Variants in MAP3K5 observed in about 807,000 individuals in gnomAD.
MAP3K5 encodes mitogen-activated protein kinase kinase kinase 5, also known as ASK-1.
MAP3K5 carries 56 observed loss-of-function variants against 158.7 expected under a neutral mutation model. The ratio of observed to expected loss-of-function variants is 0.35; its 90% CI spans 0.28 to 0.44. MAP3K5 has a LOEUF of 0.44. Among genes scored for constraint, MAP3K5 ranks in the 20% least tolerant of loss-of-function variants. The pLI is 1.00. For missense variants in MAP3K5, 1,294 were observed against 1,674.8 expected, an observed-to-expected ratio of 0.77 and a Z score of 3.97; for synonymous variants, 579 against 601.7, an observed-to-expected ratio of 0.96 and a Z score of 0.55.
intron 1 of MAP3K5, among the ~76,000 whole-genome samples, chr6:136,725,362 G>A (rs745690998): frequency 1.3e-5 from 2 of 152,124 alleles, no homozygotes; most frequent in African/African-American, 2.4e-5. Flanking sequence ...CTTTGTCAGC[G>A]CTTGGTATTG....
intron 1 of MAP3K5, among the ~76,000 whole-genome samples, chr6:136,752,610 C>T (rs142228203): frequency 0.031 from 4,765 of 152,238 alleles, 57 homozygotes; most frequent in Middle Eastern, 0.054. Flanking sequence ...TGGGGTTTCG[C>T]CATTTTGGCC....
chr6:136,622,621 A>G (rs111735524), intron 15 of MAP3K5, among the ~76,000 whole-genome samples: 1,840 of 152,258 alleles, frequency 0.012, 37 homozygotes, highest in African/African-American at 0.043. Context: ...CCTGAGCCTA[A>G]CACACACAGG....
chr6:136,759,048 C>T (rs1250894149), intron 1 of MAP3K5, among the ~76,000 whole-genome samples: 1 of 152,066 alleles, frequency 6.6e-6, no homozygotes, highest in Non-Finnish European at 1.5e-5. Flanking sequence ...GTGGCAGGCA[C>T]CTGTAATCCC....
chr6:136,760,543 C>T (rs1164695772), intron 1 of MAP3K5, among the ~76,000 whole-genome samples: 2 of 152,198 alleles, frequency 1.3e-5, no homozygotes, highest in Non-Finnish European at 1.5e-5. Context: ...CTACTAAGGT[C>T]TCATTTTTGT....
chr6:136,591,286 G>A (rs551561521), intron 23 of MAP3K5, among the ~76,000 whole-genome samples: 241 of 152,294 alleles, frequency 1.6e-3, no homozygotes, highest in Middle Eastern at 3.4e-3. Context: ...GGATGTGCAC[G>A]TTAGGTTCAT....
intron 25 of MAP3K5, among the ~76,000 whole-genome samples, chr6:136,569,464 TC>T (rs1326408807): frequency 1.4e-4 from 21 of 152,194 alleles, no homozygotes; most frequent in Non-Finnish European, 1.0e-4. Flanking sequence ...CTCAAGCATT[TC>T]TTTATGCTGA....
At chr6:136,624,372 T>C (rs955718408) in intron 14 of MAP3K5, among the ~76,000 whole-genome samples, 5 of 152,038 alleles carry the variant, frequency 3.3e-5, no homozygotes, top group African/African-American at 1.2e-4. Flanking sequence ...TCAACCACAA[T>C]AGATTTTAAC....
chr6:136,613,187 T>G lies in MAP3K5; in HGVS notation c.2348A>C (p.Tyr783Ser), dbSNP rs767958037. 1 of 1,613,448 alleles carries G rather than the reference T, an allele frequency of 6.2e-7. No individual in the cohort carries two copies. The highest frequency in any genetic ancestry group is 8.5e-7 in the Non-Finnish European group (1 of 1,179,592). Residue 783 changes from tyrosine (Y) to serine (S), a missense_variant, in exon 17 of 30, where the codon TAT becomes TCT. Tyr to Ser is a moderately radical substitution (Grantham distance 144, BLOSUM62 -2). This residue lies in a region of MAP3K5 where 41 missense variants were observed against 98.2 expected (regional missense o/e 0.42). Coordinates refer to ENST00000359015, the MANE Select transcript of MAP3K5 (RefSeq NM_005923.4). The surrounding 1 kb of genome is among the most constrained non-coding windows in gnomAD (Gnocchi z 4.0). ...LKDNEQTIGF[Y>S]TKQILEGLKY... ...TAATCCTTCCAGTATTTGCTTTGTA[T>G]AAAAGCCAATTGTTTGCTCATTGTC...
chr6:136,731,508 G>A (rs1782222907), intron 1 of MAP3K5, among the ~76,000 whole-genome samples: 1 of 152,144 alleles, frequency 6.6e-6, no homozygotes, highest in Non-Finnish European at 1.5e-5. Context: ...CTTTTACAAG[G>A]ACACTTGTGA....
At chr6:136,750,341 G>A (rs1259099326) in intron 1 of MAP3K5, among the ~76,000 whole-genome samples, 1 of 152,134 alleles carries the variant, frequency 6.6e-6, no homozygotes, top group Admixed American at 6.5e-5. Flanking sequence ...GCCTCCCAAA[G>A]TGCTGGGATT....
chr6:136,578,382 G>A lies in MAP3K5; in HGVS notation c.3517+1919C>T, dbSNP rs573410072. 7.9e-5 allele frequency among the ~76,000 whole-genome samples: 12 copies of A among 152,272 alleles called. 1 individual carries two copies. In the East Asian group the frequency reaches 1.7e-3, roughly 22 times the overall value. On this transcript the variant is annotated intron_variant, in intron 25 of 29. Coordinates refer to ENST00000359015, the MANE Select transcript of MAP3K5 (RefSeq NM_005923.4). ...TCAACCAAATATGAATCAGGGATCCGCTGTTTTCCAGACACTGTGCTGGAC... is the reference window on the plus strand; with the variant it reads ...TCAACCAAATATGAATCAGGGATCCACTGTTTTCCAGACACTGTGCTGGAC...
intron 15 of MAP3K5, among the ~76,000 whole-genome samples, chr6:136,620,143 G>C (rs1254985676): frequency 6.6e-6 from 1 of 152,098 alleles, no homozygotes; most frequent in Non-Finnish European, 1.5e-5. Flanking sequence ...GATGATGCAG[G>C]CCTGTAATCC....
intron 14 of MAP3K5, among the ~76,000 whole-genome samples, chr6:136,630,687 A>T (rs754964594): frequency 2.0e-5 from 3 of 152,190 alleles, no homozygotes; most frequent in Non-Finnish European, 2.9e-5. Flanking sequence ...TCTGTTCCTC[A>T]CACTTATTTC....
intron 15 of MAP3K5, among the ~76,000 whole-genome samples, chr6:136,619,947 A>C (rs185429091): frequency 1.3e-5 from 2 of 152,358 alleles, no homozygotes; most frequent in East Asian, 3.9e-4. Context: ...CACAAGGAGT[A>C]CTTTAGGGAG....
rs981713268 is a variant in MAP3K5, at chr6:136,567,707, T to G, written c.3685A>C (p.Thr1229Pro). ...GCACTCTGGGAATCATGAGACACAG[T>G]AGAACTGAGCGTGCTCACGCCTGAG... ...ATSGVSTLSS[T>P]VSHDSQSAHR... The change falls in exon 26 of 30, where the codon ACT becomes CCT. Residue 1229 changes from threonine (T) to proline (P), a missense_variant. Thr to Pro is a conservative substitution (Grantham distance 38, BLOSUM62 -1). Transcript: ENST00000359015. 1 of 1,614,050 alleles carries G rather than the reference T, an allele frequency of 6.2e-7. No homozygotes were observed. The highest frequency in any genetic ancestry group is 8.5e-7 in the Non-Finnish European group (1 of 1,180,026).
chr6:136,768,595 G>A (rs956358670), intron 1 of MAP3K5, among the ~76,000 whole-genome samples: 17 of 152,164 alleles, frequency 1.1e-4, no homozygotes, highest in African/African-American at 3.9e-4. Context: ...TTGTTGGTAC[G>A]ACAAAATGGT....
intron 2 of MAP3K5, among the ~76,000 whole-genome samples, chr6:136,710,334 A>G (rs552198827): frequency 5.9e-5 from 9 of 152,306 alleles, no homozygotes; most frequent in African/African-American, 2.2e-4. Flanking sequence ...CCAGGGGCAC[A>G]TTTCTGAAGA....
At chr6:136,574,890 T>C (rs958078299) in intron 25 of MAP3K5, among the ~76,000 whole-genome samples, 7 of 151,872 alleles carry the variant, frequency 4.6e-5, no homozygotes, top group South Asian at 2.1e-4. Context: ...GGGGTTTCAC[T>C]GTGTTAGCCA....
intron 23 of MAP3K5, among the ~76,000 whole-genome samples, chr6:136,584,737 G>T (rs1047259706): frequency 7.2e-5 from 11 of 152,144 alleles, no homozygotes; most frequent in Admixed American, 3.3e-4. Context: ...ACACCAAGCA[G>T]GTCAACAGCA....
Sources: allele counts gnomAD v4.1 joint callset (sites outside exome capture counted in the v4.1 genomes callset), GRCh38; gene constraint gnomAD v4.1.1; regional missense constraint gnomAD v4.1.1; non-coding constraint Gnocchi (gnomAD v3.1); transcripts MANE v1.5; gene names NCBI Gene and HGNC (gene_info 2026-07-23, HGNC 2026-07-21).